Variants in CNTNAP2 observed in about 807,000 individuals in gnomAD.
The protein encoded by CNTNAP2 is contactin associated protein 2.
A neutral mutation model predicts 155.2 loss-of-function variants in CNTNAP2; 98 were observed. The ratio of observed to expected loss-of-function variants is 0.63; its 90% confidence interval spans 0.54 to 0.75. CNTNAP2 has a LOEUF of 0.75. CNTNAP2 is among the 30% of genes least tolerant of loss of function. The pLI is 0.00. For missense variants in CNTNAP2, 1,727 were observed against 1,688.1 expected (o/e 1.02, Z -0.40); for synonymous variants, 651 against 631.2 (o/e 1.03, Z -0.47).
intron 1 of CNTNAP2, among the ~76,000 whole-genome samples, chr7:146,352,330 G>A (rs1794927457): frequency 6.6e-6 from 1 of 151,944 alleles, no homozygotes; most frequent in Admixed American, 6.6e-5. Context: ...AGTCTTAGAT[G>A]GATCTTGCAC....
chr7:148,387,070 A>T (rs1245255400), intron 22 of CNTNAP2, among the ~76,000 whole-genome samples: 1 of 152,130 alleles, frequency 6.6e-6, no homozygotes, highest in East Asian at 1.9e-4. Flanking sequence ...TCTTCCTGGG[A>T]GTAAAAGCCA....
chr7:146,915,608 T>C (rs1425466705), intron 3 of CNTNAP2, among the ~76,000 whole-genome samples: 1 of 152,062 alleles, frequency 6.6e-6, no homozygotes, highest in East Asian at 1.9e-4. Flanking sequence ...AGTTGAGTTC[T>C]TGATTTGATT....
Position 147,793,739 on chromosome 7 carries a change from T to C in CNTNAP2, c.2099-109826T>C, listed in dbSNP as rs1756799100. ...GGGATTTAATACAGGTTGCATTAAA[T>C]CAGACCTCAAGTTAGGGAGAAGTCC... On this transcript the variant is annotated intron_variant, in intron 13 of 23. Transcript: ENST00000361727. 1.3e-5 allele frequency among the ~76,000 whole-genome samples: 2 copies of C among 152,076 alleles called. 1 individual carries two copies. Among genetic ancestry groups the C allele is most frequent in the South Asian group, 4.1e-4 (2 of 4,828 alleles).
chr7:147,483,281 G>A (rs1798455485), intron 10 of CNTNAP2, among the ~76,000 whole-genome samples: 1 of 151,972 alleles, frequency 6.6e-6, no homozygotes, highest in Non-Finnish European at 1.5e-5. Flanking sequence ...TTATGTGGGA[G>A]GCTGTGCATA....
chr7:146,870,965 C>G lies in CNTNAP2; in HGVS notation c.402+31061C>G, dbSNP rs369863331. ...GTTTATTCAGTGGAAGGAAAAAAGA[C>G]TAAACATAATTTTTACACATTGTCT... On this transcript the variant is annotated intron_variant, in intron 3 of 23. Transcript: ENST00000361727. Among the ~76,000 whole-genome samples the G allele has an allele frequency of 8.5e-5, 13 of 152,200 alleles. No individual in the cohort carries two copies. In the South Asian group the frequency reaches 1.9e-3, roughly 22 times the overall value.
chr7:146,266,831 T>C (rs1800001334), intron 1 of CNTNAP2, among the ~76,000 whole-genome samples: 1 of 150,718 alleles, frequency 6.6e-6, no homozygotes, highest in Admixed American at 6.6e-5. Context: ...TCCGTCCACA[T>C]CCTCACTGCA....
chr7:147,321,640 C>T (rs577518870), intron 9 of CNTNAP2, among the ~76,000 whole-genome samples: 78 of 152,224 alleles, frequency 5.1e-4, no homozygotes, highest in Admixed American at 3.2e-3. Flanking sequence ...AGTGCCAGTG[C>T]GCAAGAGCAC....
chr7:146,722,835 T>A (rs1264209246), intron 1 of CNTNAP2, among the ~76,000 whole-genome samples: 1 of 152,026 alleles, frequency 6.6e-6, no homozygotes, highest in African/African-American at 2.4e-5. Flanking sequence ...TCCAACATGA[T>A]GAAACACTAT....
chr7:146,635,301 C>T (rs1799579028), intron 1 of CNTNAP2, among the ~76,000 whole-genome samples: 1 of 152,288 alleles, frequency 6.6e-6, no homozygotes, highest in South Asian at 2.1e-4. Flanking sequence ...CAGCAGCTCT[C>T]TTCCTACCTG....
At chr7:147,674,214 TG>T in intron 13 of CNTNAP2, among the ~76,000 whole-genome samples, 1 of 152,304 alleles carries the variant, frequency 6.6e-6, no homozygotes, top group Non-Finnish European at 1.5e-5. Flanking sequence ...GAAAAGATTT[TG>T]GTGGAAAGAT....
At chr7:146,398,183 A>ATTTTTTTT (rs1795660452) in intron 1 of CNTNAP2, among the ~76,000 whole-genome samples, 1 of 83,680 alleles carries the variant, frequency 1.2e-5, no homozygotes, top group African/African-American at 7.2e-5. Context: ...CCGGCCCCAA[A>ATTTTTTTT]CTTTTTTTTT....
chr7:147,900,011 G>T (rs1264674972), intron 13 of CNTNAP2, among the ~76,000 whole-genome samples: 1 of 152,078 alleles, frequency 6.6e-6, no homozygotes, highest in Non-Finnish European at 1.5e-5. Context: ...CCATTCACCT[G>T]AAACTCCTTT....
At chr7:146,601,430 T>C (rs1798947855) in intron 1 of CNTNAP2, among the ~76,000 whole-genome samples, 1 of 152,150 alleles carries the variant, frequency 6.6e-6, no homozygotes, top group Admixed American at 6.6e-5. Context: ...CTTAAAATTC[T>C]ACTGCTTACT....
At chr7:147,782,028 A>C (rs1174398892) in intron 13 of CNTNAP2, among the ~76,000 whole-genome samples, 1 of 151,840 alleles carries the variant, frequency 6.6e-6, no homozygotes, top group Non-Finnish European at 1.5e-5. Context: ...GTTTAAAAAA[A>C]AAAAAAAAAA....
intron 1 of CNTNAP2, among the ~76,000 whole-genome samples, chr7:146,370,593 A>G (rs1421489006): frequency 6.6e-6 from 1 of 152,206 alleles, no homozygotes; most frequent in Admixed American, 6.5e-5. Context: ...CTGTGAATTA[A>G]TATAGCCTTA....
chr7:146,184,600 C>T (rs761750819), intron 1 of CNTNAP2, among the ~76,000 whole-genome samples: 5 of 152,100 alleles, frequency 3.3e-5, no homozygotes, highest in Non-Finnish European at 2.9e-5. Context: ...AAATACCATA[C>T]GTAGAAGGAT....
intron 13 of CNTNAP2, among the ~76,000 whole-genome samples, chr7:147,838,992 C>T (rs1798677985): frequency 6.6e-6 from 1 of 152,034 alleles, no homozygotes; most frequent in Admixed American, 6.6e-5. Context: ...GGTGAGATCC[C>T]ACAATAGGCC....
chr7:146,125,168 T>C (rs956822684), intron 1 of CNTNAP2, among the ~76,000 whole-genome samples: 1 of 152,210 alleles, frequency 6.6e-6, no homozygotes, highest in Non-Finnish European at 1.5e-5. Context: ...GTAGTATATG[T>C]AAGTTTTATT....
At chr7:148,070,378 T>C (rs1803357521) in intron 15 of CNTNAP2, among the ~76,000 whole-genome samples, 1 of 152,254 alleles carries the variant, frequency 6.6e-6, no homozygotes, top group Admixed American at 6.5e-5. Flanking sequence ...TTAATAACTT[T>C]TAATTAAACC....
Sources: gnomAD v4.1 joint callset for allele counts (sites outside exome capture counted in the v4.1 genomes callset) on GRCh38, gnomAD v4.1.1 for gene constraint, MANE v1.5 for transcripts, NCBI Gene and HGNC (gene_info 2026-07-23, HGNC 2026-07-21) for gene names.